The following GRIN2B variants were observed in gnomAD, a reference collection of about 807,000 sequenced individuals.
GRIN2B encodes glutamate receptor ionotropic, NMDA 2B.
In GRIN2B, 5 loss-of-function variants were observed where a neutral mutation model predicts 114.5. The ratio of observed to expected loss-of-function variants is 0.04; its 90% CI spans 0.02 to 0.09. The LOEUF is 0.09. Among genes scored for constraint, GRIN2B ranks in the 10% least tolerant of loss-of-function variants. GRIN2B has a pLI of 1.00. For missense variants in GRIN2B, 1,108 were observed against 1,943.5 expected (o/e 0.57, Z 8.08); for synonymous variants, 787 against 745.1 (o/e 1.06, Z -0.92).
chr12:13,720,892 A>C (rs1277404631), intron 4 of GRIN2B, among the ~76,000 whole-genome samples: 2 of 152,108 alleles, frequency 1.3e-5, no homozygotes, highest in African/African-American at 2.4e-5. Context: ...TATATGAACA[A>C]ATTCGACACA....
intron 2 of GRIN2B, among the ~76,000 whole-genome samples, chr12:13,973,889 C>T (rs1021878190): frequency 2.0e-5 from 3 of 152,174 alleles, no homozygotes; most frequent in Non-Finnish European, 4.4e-5. Flanking sequence ...AGCCCATCTT[C>T]CCTTAGGCAC....
At chr12:13,772,240 C>T (rs1164650596) in intron 3 of GRIN2B, among the ~76,000 whole-genome samples, 2 of 152,196 alleles carry the variant, frequency 1.3e-5, no homozygotes, top group Non-Finnish European at 2.9e-5. Flanking sequence ...CTTTTACCAT[C>T]AGGTTACCTT....
chr12:13,543,313 T>C lies in GRIN2B; in HGVS notation c.*19470A>G, dbSNP rs1948304833. The C allele has an allele frequency of 6.6e-6, 1 of 152,332 alleles. No homozygotes were observed. Among genetic ancestry groups the C allele is most frequent in the South Asian group, 2.1e-4 (1 of 4,834 alleles). 9.4% of individuals were successfully genotyped at this position (152,332 alleles called of 1,614,324 possible). ...AACCCACCTCCTAATTTCTACGTTA[T>C]TGCTTCTGACTCACTAACTGAGTGA... On this transcript the variant is annotated 3_prime_UTR_variant, in exon 14 of 14. Transcript: ENST00000609686.
chr12:13,797,826 T>C (rs1162663639), intron 3 of GRIN2B, among the ~76,000 whole-genome samples: 1 of 152,228 alleles, frequency 6.6e-6, no homozygotes, highest in Non-Finnish European at 1.5e-5. Context: ...CTGTTCTCCC[T>C]CACGAAAGCA....
intron 5 of GRIN2B, among the ~76,000 whole-genome samples, chr12:13,626,268 G>A (rs746490343): frequency 6.6e-6 from 1 of 152,166 alleles, no homozygotes; most frequent in Non-Finnish European, 1.5e-5. Context: ...TCCTGGACAT[G>A]TGTGCACCAT....
At chr12:13,657,846 A>G (rs1949881382) in intron 5 of GRIN2B, among the ~76,000 whole-genome samples, 1 of 152,244 alleles carries the variant, frequency 6.6e-6, no homozygotes. Flanking sequence ...TTGTGATTAT[A>G]GATTATAAAA....
chr12:13,886,651 G>A (rs538531165), intron 2 of GRIN2B, among the ~76,000 whole-genome samples: 245 of 152,232 alleles, frequency 1.6e-3, no homozygotes, highest in Non-Finnish European at 1.6e-3. Context: ...GACAAGGAGA[G>A]CAGCTGCCTG....
At chr12:13,978,152 C>T (rs143470690) in intron 2 of GRIN2B, among the ~76,000 whole-genome samples, 1 of 152,324 alleles carries the variant, frequency 6.6e-6, no homozygotes, top group East Asian at 1.9e-4. Flanking sequence ...ATGCCCTCCT[C>T]TCCTTGTCCA....
chr12:13,925,991 G>A (rs1197590288), intron 2 of GRIN2B, among the ~76,000 whole-genome samples: 4 of 152,182 alleles, frequency 2.6e-5, no homozygotes, highest in South Asian at 2.1e-4. Flanking sequence ...GAAAGAATAC[G>A]TTTTAGCAAC....
intron 5 of GRIN2B, among the ~76,000 whole-genome samples, chr12:13,626,655 A>G (rs1197849743): frequency 2.6e-5 from 4 of 152,104 alleles, no homozygotes; most frequent in Non-Finnish European, 5.9e-5. Context: ...TAGACTTTGA[A>G]GTCAGAAATG....
At chr12:13,852,705 A>C (rs981326277) in intron 3 of GRIN2B, among the ~76,000 whole-genome samples, 7 of 151,674 alleles carry the variant, frequency 4.6e-5, no homozygotes, top group Admixed American at 1.3e-4. Flanking sequence ...AAAAAAAAAA[A>C]AAAAACAGAT....
rs964707271 is a variant in GRIN2B, at chr12:13,558,051, C to T, written c.*4732G>A. The T allele has an allele frequency of 6.6e-6, 1 of 152,156 alleles. No individual in the cohort carries two copies. The highest frequency in any genetic ancestry group is 2.4e-5 in the African/African-American group (1 of 41,432). The allele number at this position is 152,156 out of a possible 1,614,324, so 9.4% of individuals were successfully genotyped here. A position where few individuals can be genotyped will look rare whatever the true frequency, so the allele number is the denominator to read the frequency against. ...TAGCATACATAAGGCCAGACCCATC[C>T]CAGTGTGACTATTCACTTTCAGCTG... is the stretch of plus-strand genomic sequence containing the variant. On this transcript the variant is annotated 3_prime_UTR_variant, in exon 14 of 14. Transcript: ENST00000609686.
intron 2 of GRIN2B, among the ~76,000 whole-genome samples, chr12:13,923,189 G>GT (rs987850154): frequency 4.6e-5 from 7 of 151,908 alleles, no homozygotes; most frequent in Non-Finnish European, 7.4e-5. Flanking sequence ...TATGCATTCT[G>GT]TTTATCTGAT....
At position 13,710,126 on chromosome 12, in the gene GRIN2B, T is replaced by C. The variant is rs984026018; in HGVS notation, c.1011-34267A>G. Among the ~76,000 whole-genome samples the C allele has an allele frequency of 7.2e-5, 11 of 152,064 alleles. No homozygotes were observed. The East Asian group carries it at 1.5e-3, about 21-fold the overall frequency. On this transcript the variant is annotated intron_variant, in intron 4 of 13. Coordinates refer to ENST00000609686, the MANE Select transcript of GRIN2B (RefSeq NM_000834.5). ...CTGTTGATAAATGCAACAACATGAG[T>C]GAATCTCAAAACATTATATTGAGCA...
At chr12:13,565,775 G>A (rs1020173428) in intron 13 of GRIN2B, among the ~76,000 whole-genome samples, 18 of 152,184 alleles carry the variant, frequency 1.2e-4, no homozygotes, top group Admixed American at 7.2e-4. Context: ...GAATCGTAGC[G>A]AAATGGGAAA....
At chr12:13,886,376 G>A in intron 2 of GRIN2B, among the ~76,000 whole-genome samples, 1 of 152,252 alleles carries the variant, frequency 6.6e-6, no homozygotes, top group Middle Eastern at 3.4e-3. Context: ...TTTGAGCTAG[G>A]GCTGGGTGCT....
At chr12:13,740,270 TA>T in intron 4 of GRIN2B, among the ~76,000 whole-genome samples, 1 of 152,260 alleles carries the variant, frequency 6.6e-6, no homozygotes, top group South Asian at 2.1e-4. Flanking sequence ...AACAGCAAAC[TA>T]AAAGCATCTG....
intron 2 of GRIN2B, among the ~76,000 whole-genome samples, chr12:13,905,051 CAG>C (rs1015255724): frequency 2.3e-4 from 35 of 152,038 alleles, no homozygotes; most frequent in African/African-American, 2.7e-4. Context: ...GGTAGATAAA[CAG>C]AGATATTTTG....
chr12:13,698,111 T>G (rs889499904), intron 4 of GRIN2B, among the ~76,000 whole-genome samples: 1 of 152,224 alleles, frequency 6.6e-6, no homozygotes, highest in African/African-American at 2.4e-5. Context: ...CCCACATCAT[T>G]ATCAGGCCGT....
Sources: gnomAD v4.1 joint callset for allele counts (sites outside exome capture counted in the v4.1 genomes callset) on GRCh38, gnomAD v4.1.1 for gene constraint, MANE v1.5 for transcripts, NCBI Gene and HGNC (gene_info 2026-07-23, HGNC 2026-07-21) for gene names.